Variants in KCMF1 observed in about 807,000 individuals in gnomAD.
KCMF1 encodes the protein E3 ubiquitin-protein ligase KCMF1.
KCMF1 carries 3 observed loss-of-function variants against 41.1 expected under a neutral mutation model. That is an observed-to-expected ratio of 0.07 (90% confidence interval 0.03 to 0.19). The LOEUF (loss-of-function observed/expected upper bound fraction) is 0.19. Among genes scored for constraint, KCMF1 ranks in the 10% least tolerant of loss-of-function variants. The pLI is 1.00. For missense variants in KCMF1, 286 were observed against 488.9 expected (o/e 0.58, Z 3.91); for synonymous variants, 142 against 164.5 (o/e 0.86, Z 1.04).
chr2:85,027,617 C>T (rs1675141720), intron 1 of KCMF1, among the ~76,000 whole-genome samples: 1 of 151,882 alleles, frequency 6.6e-6, no homozygotes, highest in South Asian at 2.1e-4. Context: ...TCAAGTGATC[C>T]ACCCGCCTCG....
chr2:85,012,626 T>C (rs1307154480), intron 1 of KCMF1, among the ~76,000 whole-genome samples: 3 of 152,226 alleles, frequency 2.0e-5, no homozygotes, highest in Admixed American at 6.5e-5. Context: ...GCATGTCTTA[T>C]CACTTCAAAC....
intron 1 of KCMF1, among the ~76,000 whole-genome samples, chr2:85,019,636 G>A (rs1464601082): frequency 1.3e-5 from 2 of 151,974 alleles, no homozygotes; most frequent in Non-Finnish European, 2.9e-5. Context: ...ACCCTCTGTA[G>A]CATGCCTGCC....
At chr2:84,998,013 T>C (rs1271969598) in intron 1 of KCMF1, among the ~76,000 whole-genome samples, 1 of 151,896 alleles carries the variant, frequency 6.6e-6, no homozygotes, top group Non-Finnish European at 1.5e-5. Context: ...CCTCAAGTGA[T>C]CTGCCCACCT....
chr2:85,045,359 A>G (rs1447810585), intron 4 of KCMF1, among the ~76,000 whole-genome samples: 1 of 152,184 alleles, frequency 6.6e-6, no homozygotes, highest in African/African-American at 2.4e-5. Context: ...CAGGGCATGT[A>G]CCGTGACACC....
intron 1 of KCMF1, among the ~76,000 whole-genome samples, chr2:84,979,240 C>T (rs552043926): frequency 2.0e-5 from 3 of 152,140 alleles, no homozygotes; most frequent in South Asian, 4.1e-4. Context: ...TTTTAAATCA[C>T]TTTATGAGCT....
intron 1 of KCMF1, among the ~76,000 whole-genome samples, chr2:84,987,583 T>G (rs1325127709): frequency 6.6e-6 from 1 of 152,100 alleles, no homozygotes; most frequent in Non-Finnish European, 1.5e-5. Context: ...AAAGAATCAT[T>G]TTCAGCTTTT....
At chr2:85,035,843 A>G (rs2104042361) in intron 3 of KCMF1, among the ~76,000 whole-genome samples, 1 of 152,348 alleles carries the variant, frequency 6.6e-6, no homozygotes, top group South Asian at 2.1e-4. Context: ...CATTGATAAT[A>G]ATAGGTAAAG....
At chr2:85,052,208 TA>T (rs1280446104) in intron 6 of KCMF1, among the ~76,000 whole-genome samples, 2 of 152,154 alleles carry the variant, frequency 1.3e-5, no homozygotes, top group Admixed American at 6.5e-5. Flanking sequence ...TAGCTGGGAT[TA>T]TAGGCACGCA....
chr2:85,031,985 G>A (rs568656028), intron 2 of KCMF1, among the ~76,000 whole-genome samples: 4 of 152,128 alleles, frequency 2.6e-5, no homozygotes, highest in Admixed American at 6.5e-5. Context: ...AGTGGTCCCC[G>A]CCTCCACCTC....
intron 1 of KCMF1, among the ~76,000 whole-genome samples, chr2:84,975,950 A>G (rs1673533519): frequency 6.6e-6 from 1 of 152,176 alleles, no homozygotes; most frequent in Non-Finnish European, 1.5e-5. Flanking sequence ...CCTTTCAGTC[A>G]CTACTATGTG....
At chr2:85,041,325 A>G (rs563952207) in intron 3 of KCMF1, among the ~76,000 whole-genome samples, 1 of 152,334 alleles carries the variant, frequency 6.6e-6, no homozygotes, top group African/African-American at 2.4e-5. Context: ...ATTTTATTTT[A>G]CATCCTTGTC....
intron 1 of KCMF1, among the ~76,000 whole-genome samples, chr2:85,022,564 CT>C (rs1379007264): frequency 6.6e-6 from 1 of 152,114 alleles, no homozygotes; most frequent in Non-Finnish European, 1.5e-5. Flanking sequence ...ACAATTCCAG[CT>C]TTGCTTTCTG....
chr2:85,009,216 C>G (rs1298623901), intron 1 of KCMF1, among the ~76,000 whole-genome samples: 2 of 152,050 alleles, frequency 1.3e-5, no homozygotes, highest in Non-Finnish European at 2.9e-5. Flanking sequence ...GTGGCACTTC[C>G]CCTTTCGTGC....
In KCMF1 at chr2:85,053,853, T is replaced by TA. The variant is rs967918757; in HGVS notation, c.*454dup. 53 of 150,916 alleles carry TA rather than the reference T, an allele frequency of 3.5e-4. No individual in the cohort carries two copies. The highest frequency in any genetic ancestry group is 5.0e-4 in the Non-Finnish European group (34 of 68,024). 9.3% of individuals were successfully genotyped at this position (150,916 alleles called of 1,614,324 possible). A position where few individuals can be genotyped will look rare whatever the true frequency, so the allele number is the denominator to read the frequency against. On this transcript the variant is annotated 3_prime_UTR_variant, in exon 7 of 7. Transcript: ENST00000409785. The stretch of plus-strand genomic sequence containing the variant: ...GAAGTTAAATACAAGGAGTAAAACT[T>TA]AAAAAAAAAATACAAAGCCCAAAGC...
intron 3 of KCMF1, among the ~76,000 whole-genome samples, 180 bp downstream of exon 3, chr2:85,035,335 A>G (rs1174708953): frequency 6.6e-6 from 1 of 152,188 alleles, no homozygotes; most frequent in Non-Finnish European, 1.5e-5. Flanking sequence ...CATTTTTGCA[A>G]AATAATACCT....
chr2:84,988,172 C>T (rs1023577704), intron 1 of KCMF1, among the ~76,000 whole-genome samples: 6 of 151,628 alleles, frequency 4.0e-5, no homozygotes, highest in Admixed American at 2.0e-4. Context: ...GCAGAGGTTG[C>T]GGTGAGCCAA....
At chr2:85,008,321 C>CATATATAATATATA (rs1440605576) in intron 1 of KCMF1, among the ~76,000 whole-genome samples, 5 of 43,954 alleles carry the variant, frequency 1.1e-4, no homozygotes, top group African/African-American at 3.9e-4. Context: ...ATATATATAT[C>CATATATAATATATA]ATATATAATA....
chr2:85,038,506 G>A (rs1359018726), intron 3 of KCMF1, among the ~76,000 whole-genome samples: 2 of 152,198 alleles, frequency 1.3e-5, no homozygotes, highest in Non-Finnish European at 2.9e-5. Flanking sequence ...TGCAGATTTT[G>A]TAGGATCAAC....
intron 1 of KCMF1, among the ~76,000 whole-genome samples, chr2:85,010,120 T>C (rs1299369289): frequency 6.6e-6 from 1 of 152,194 alleles, no homozygotes; most frequent in African/African-American, 2.4e-5. Flanking sequence ...GTCTTTTATT[T>C]CAATTTCAAT....
Sources: gnomAD v4.1 joint callset for allele counts (sites outside exome capture counted in the v4.1 genomes callset) on GRCh38, gnomAD v4.1.1 for gene constraint, MANE v1.5 for transcripts, NCBI Gene and HGNC (gene_info 2026-07-23, HGNC 2026-07-21) for gene names.